MAPKAP1: variants seen among roughly 807,000 people sequenced by gnomAD.
MAPKAP1 encodes MAPK associated protein 1.
A neutral mutation model predicts 65.7 loss-of-function variants in MAPKAP1; 20 were observed. That is an observed-to-expected ratio of 0.30 (90% CI 0.21 to 0.44). The LOEUF is 0.44. Among genes scored for constraint, MAPKAP1 ranks in the 20% least tolerant of loss-of-function variants. MAPKAP1 has a pLI of 1.00. For synonymous variants in MAPKAP1, 222 were observed against 244.3 expected, an observed-to-expected ratio of 0.91 and a Z score of 0.85; for missense variants, 423 against 648.0, an observed-to-expected ratio of 0.65 and a Z score of 3.77.
chr9:125,543,644 A>T (rs754248247), intron 6 of MAPKAP1, among the ~76,000 whole-genome samples: 9 of 152,156 alleles, frequency 5.9e-5, no homozygotes, highest in Non-Finnish European at 1.3e-4. Flanking sequence ...TTGAATAAAT[A>T]TACTTCAAAT....
At chr9:125,626,825 C>T (rs889067141) in intron 4 of MAPKAP1, among the ~76,000 whole-genome samples, 1 of 152,184 alleles carries the variant, frequency 6.6e-6, no homozygotes, top group Admixed American at 6.5e-5. Context: ...GATTAATATT[C>T]ATGTCCAAAA....
chr9:125,703,850 G>A (rs556018546), intron 1 of MAPKAP1, among the ~76,000 whole-genome samples: 1 of 151,668 alleles, frequency 6.6e-6, no homozygotes, highest in South Asian at 2.1e-4. Context: ...GTCCGTAACA[G>A]TAAGGCCTAT....
intron 8 of MAPKAP1, among the ~76,000 whole-genome samples, chr9:125,495,445 C>T (rs1455088920): frequency 6.6e-6 from 1 of 152,188 alleles, no homozygotes; most frequent in African/African-American, 2.4e-5. Flanking sequence ...TTCCTTACTG[C>T]TCTAATGTAC....
At chr9:125,614,314 T>C (rs1480603365) in intron 4 of MAPKAP1, among the ~76,000 whole-genome samples, 1 of 152,172 alleles carries the variant, frequency 6.6e-6, no homozygotes, top group Admixed American at 6.5e-5. Context: ...TAACATAAGA[T>C]GATAAATCAA....
At chr9:125,546,830 C>T (rs1356348242) in intron 6 of MAPKAP1, among the ~76,000 whole-genome samples, 1 of 152,058 alleles carries the variant, frequency 6.6e-6, no homozygotes, top group East Asian at 1.9e-4. Context: ...GATGAACAGG[C>T]AGGCTACACA....
Position 125,585,719 on chromosome 9 carries a change from T to C in MAPKAP1, c.507A>G (p.Val169=), listed in dbSNP as rs902847965. 29 of 1,614,018 alleles carry C rather than the reference T, an allele frequency of 1.8e-5. No individual in the cohort carries two copies. Among genetic ancestry groups the C allele is most frequent in the Non-Finnish European group, 2.3e-5 (27 of 1,180,008 alleles). The stretch of plus-strand genomic sequence containing the variant: ...CGATCTTCTTGGTTGCTGTTGTACC[T>C]ACATGACCCTGTGGACAGAACAAAC... ...EYSKFDGKGH[V]GTTATKKIDV... The change falls in exon 5 of 12, where the codon GTA becomes GTG. Residue 169 remains valine, a synonymous_variant. Coordinates refer to ENST00000265960, the MANE Select transcript of MAPKAP1 (RefSeq NM_001006617.3).
chr9:125,451,368 C>A (rs1021191450), intron 10 of MAPKAP1, among the ~76,000 whole-genome samples: 1 of 152,168 alleles, frequency 6.6e-6, no homozygotes, highest in Non-Finnish European at 1.5e-5. Flanking sequence ...TCCACCTGTC[C>A]CTTAAGCAAT....
At chr9:125,504,377 C>A (rs535602196) in intron 8 of MAPKAP1, among the ~76,000 whole-genome samples, 1 of 152,152 alleles carries the variant, frequency 6.6e-6, no homozygotes, top group Admixed American at 6.5e-5. Flanking sequence ...GGACAGTAAC[C>A]TTCTGCCTTT....
intron 6 of MAPKAP1, among the ~76,000 whole-genome samples, chr9:125,547,850 T>A (rs904679225): frequency 6.6e-6 from 1 of 152,228 alleles, no homozygotes; most frequent in East Asian, 1.9e-4. Flanking sequence ...TTGAAAGTGT[T>A]AACTATGAAG....
chr9:125,625,268 A>C (rs868209726), intron 4 of MAPKAP1, among the ~76,000 whole-genome samples: 10 of 147,226 alleles, frequency 6.8e-5, no homozygotes, highest in African/African-American at 2.0e-4. Flanking sequence ...AAAAAAAAAA[A>C]AAAAAAAAAA....
At chr9:125,639,357 C>T (rs1833513108) in intron 4 of MAPKAP1, among the ~76,000 whole-genome samples, 1 of 152,126 alleles carries the variant, frequency 6.6e-6, no homozygotes, top group African/African-American at 2.4e-5. Context: ...GTTTAACTTC[C>T]CCATACCTCA....
intron 8 of MAPKAP1, among the ~76,000 whole-genome samples, chr9:125,491,286 A>T (rs1457468409): frequency 6.6e-6 from 1 of 151,978 alleles, no homozygotes; most frequent in Non-Finnish European, 1.5e-5. Flanking sequence ...TCTACAAAAA[A>T]TACAAAAATT....
rs1017181250 is a variant in MAPKAP1, at chr9:125,657,813, G to C, written c.350-14C>G. On this transcript the variant is annotated splice_polypyrimidine_tract_variant and intron_variant, in intron 3 of 11. Transcript: ENST00000265960. Reference sequence around the variant, plus strand: ...TTAACTCCTGGGCTGTGATACAAGAGGAAGAAAAACATCTTTGTGATTACA... The same window carrying C: ...TTAACTCCTGGGCTGTGATACAAGACGAAGAAAAACATCTTTGTGATTACA... The C allele has an allele frequency of 6.2e-7, 1 of 1,609,684 alleles. No individual in the cohort carries two copies. Among genetic ancestry groups the C allele is most frequent in the Non-Finnish European group, 8.5e-7 (1 of 1,178,588 alleles).
chr9:125,609,894 T>C (rs1832550404), intron 4 of MAPKAP1, among the ~76,000 whole-genome samples: 1 of 152,224 alleles, frequency 6.6e-6, no homozygotes. Context: ...GCCACATAAA[T>C]TCTCTCTTTT....
intron 2 of MAPKAP1, among the ~76,000 whole-genome samples, chr9:125,670,271 T>A (rs1564610620): frequency 6.6e-6 from 1 of 152,144 alleles, no homozygotes; most frequent in Non-Finnish European, 1.5e-5. Flanking sequence ...AATATTACAT[T>A]ACAGGAATAA....
chr9:125,543,200 C>A, intron 6 of MAPKAP1, 32 bp from the exon 7 acceptor site: 9 of 1,424,106 alleles, frequency 6.3e-6, no homozygotes, highest in Non-Finnish European at 6.9e-6. Context: ...AAATCATCAC[C>A]AACATTCATC....
At chr9:125,686,622 C>CT (rs1357437577) in intron 1 of MAPKAP1, among the ~76,000 whole-genome samples, 1 of 152,162 alleles carries the variant, frequency 6.6e-6, no homozygotes, top group Non-Finnish European at 1.5e-5. Context: ...GGTGTTTTCG[C>CT]TTCACATTGT....
At chr9:125,540,784 T>A (rs1229773062) in intron 7 of MAPKAP1, among the ~76,000 whole-genome samples, 1 of 152,222 alleles carries the variant, frequency 6.6e-6, no homozygotes, top group African/African-American at 2.4e-5. Context: ...TAACAGGTAT[T>A]TCATAGCCAA....
chr9:125,672,867 T>A (rs1019715270), intron 1 of MAPKAP1, among the ~76,000 whole-genome samples: 1 of 152,200 alleles, frequency 6.6e-6, no homozygotes, highest in Non-Finnish European at 1.5e-5. Flanking sequence ...AAAGGAAGGC[T>A]TGCACTCTTG....
Sources: gnomAD v4.1 joint callset for allele counts (sites outside exome capture counted in the v4.1 genomes callset) on GRCh38, gnomAD v4.1.1 for gene constraint, MANE v1.5 for transcripts, NCBI Gene and HGNC (gene_info 2026-07-23, HGNC 2026-07-21) for gene names.